FOXP2: variants seen among roughly 807,000 people sequenced by gnomAD.
FOXP2 encodes the protein forkhead box protein P2.
In FOXP2, 12 loss-of-function variants were observed where a neutral mutation model predicts 115.8. The observed-to-expected ratio is 0.10, with a 90% CI of 0.07 to 0.17. FOXP2 has a LOEUF of 0.17. Ranked by LOEUF, FOXP2 falls within the 10% of genes least tolerant of loss-of-function variation. The pLI, the probability that FOXP2 is intolerant of heterozygous loss-of-function variation, is 1.00. For missense variants in FOXP2, 629 were observed against 843.5 expected, an observed-to-expected ratio of 0.75 and a Z score of 3.15; for synonymous variants, 328 against 297.7, an observed-to-expected ratio of 1.10 and a Z score of -1.05.
At chr7:114,337,098 A>G (rs1450993061) in intron 2 of FOXP2, among the ~76,000 whole-genome samples, 1 of 151,500 alleles carries the variant, frequency 6.6e-6, no homozygotes, top group African/African-American at 2.4e-5. Flanking sequence ...TTATTCTATA[A>G]TATTTCAGTA....
At chr7:114,372,576 A>G (rs1562891427) in intron 2 of FOXP2, among the ~76,000 whole-genome samples, 3 of 152,198 alleles carry the variant, frequency 2.0e-5, no homozygotes, top group Non-Finnish European at 4.4e-5. Context: ...TTGTACATCA[A>G]TTTCCCCAAA....
At position 114,196,685 on chromosome 7, in the gene FOXP2, A is replaced by G. The variant is rs576372821; in HGVS notation, c.-102+33597A>G. Among the ~76,000 whole-genome samples, 692 of 152,238 alleles carry G rather than the reference A, an allele frequency of 4.5e-3. 5 individuals are homozygous for G. Among genetic ancestry groups the G allele is most frequent in the African/African-American group, 0.015 (626 of 41,542 alleles). ...ACTGTCAGAAATGCAAATTTTGGGG[A>G]GTCACCCCAACACATTGAATCAGAC... On this transcript the variant is annotated intron_variant, in intron 1 of 17. Coordinates refer to the FOXP2 transcript ENST00000634411.
chr7:114,655,672 C>A (rs545777534), intron 10 of FOXP2, among the ~76,000 whole-genome samples: 1 of 152,228 alleles, frequency 6.6e-6, no homozygotes, highest in East Asian at 1.9e-4. Flanking sequence ...TTTATGGTCT[C>A]ATGTGCAGTG....
chr7:114,653,619 G>A (rs949296663), intron 9 of FOXP2, among the ~76,000 whole-genome samples: 6 of 152,128 alleles, frequency 3.9e-5, no homozygotes, highest in African/African-American at 7.2e-5. Context: ...GAGACACCAT[G>A]GGCCTTCTAA....
intron 1 of FOXP2, among the ~76,000 whole-genome samples, chr7:114,163,841 G>T (rs899885768): frequency 6.6e-6 from 1 of 152,128 alleles, no homozygotes; most frequent in South Asian, 2.1e-4. Context: ...TGATATAATG[G>T]TTGTGATATA....
chr7:114,551,892 G>A (rs1208831960), intron 3 of FOXP2, among the ~76,000 whole-genome samples: 1 of 152,072 alleles, frequency 6.6e-6, no homozygotes, highest in Non-Finnish European at 1.5e-5. Context: ...CTAAGAGTAC[G>A]TTTTATGACA....
intron 2 of FOXP2, among the ~76,000 whole-genome samples, chr7:114,332,359 A>T (rs1418613057): frequency 6.6e-6 from 1 of 152,124 alleles, no homozygotes; most frequent in Non-Finnish European, 1.5e-5. Flanking sequence ...TAATTGTGTA[A>T]CAAACCGTGG....
At chr7:114,157,788 A>T (rs1462277429) in intron 1 of FOXP2, among the ~76,000 whole-genome samples, 2 of 152,108 alleles carry the variant, frequency 1.3e-5, no homozygotes, top group Non-Finnish European at 2.9e-5. Context: ...TATGTCTGGC[A>T]TATTCTGTAA....
At chr7:114,421,809 C>CT (rs1793634157) in intron 1 of FOXP2, among the ~76,000 whole-genome samples, 1 of 151,668 alleles carries the variant, frequency 6.6e-6, no homozygotes, top group Admixed American at 6.6e-5. Context: ...GCATTAAAGA[C>CT]TTTTAGCAAA....
At chr7:114,090,203 T>G (rs1159538429) in intron 1 of FOXP2, among the ~76,000 whole-genome samples, 3 of 151,968 alleles carry the variant, frequency 2.0e-5, no homozygotes, top group African/African-American at 7.2e-5. Context: ...AGAATGAGAT[T>G]GAGCACACAG....
intron 1 of FOXP2, among the ~76,000 whole-genome samples, chr7:114,110,031 A>G (rs977562143): frequency 2.6e-5 from 4 of 152,174 alleles, no homozygotes; most frequent in African/African-American, 4.8e-5. Context: ...GTGCATAAGT[A>G]AAGTTCCACA....
intron 2 of FOXP2, among the ~76,000 whole-genome samples, chr7:114,461,257 G>A (rs977384198): frequency 2.0e-5 from 3 of 152,038 alleles, no homozygotes; most frequent in African/African-American, 4.8e-5. Context: ...TGGCTTCTCT[G>A]TTTCATTGTA....
intron 1 of FOXP2, among the ~76,000 whole-genome samples, chr7:114,186,723 G>A (rs890150385): frequency 6.6e-6 from 1 of 152,206 alleles, no homozygotes; most frequent in African/African-American, 2.4e-5. Context: ...GGCTCTCTGA[G>A]GCATCTTTTA....
chr7:114,579,787 AG>A (rs1801753444), intron 3 of FOXP2, among the ~76,000 whole-genome samples: 1 of 152,186 alleles, frequency 6.6e-6, no homozygotes, highest in South Asian at 2.1e-4. Context: ...ATATTCACTG[AG>A]CATATACTAT....
chr7:114,130,149 A>G (rs557353283), intron 1 of FOXP2, among the ~76,000 whole-genome samples: 1 of 152,102 alleles, frequency 6.6e-6, no homozygotes, highest in African/African-American at 2.4e-5. Context: ...CCCCATCTCT[A>G]CCAAAAAATA....
rs188102937 is a variant in FOXP2, at chr7:114,282,232, A to G, written c.-101-5787A>G. Among the ~76,000 whole-genome samples the G allele has an allele frequency of 4.3e-4, 65 of 152,310 alleles. No individual in the cohort carries two copies. The East Asian group carries it at 0.012, about 27-fold the overall frequency. On this transcript the variant is annotated intron_variant, in intron 1 of 17. Transcript: ENST00000634411. Reference sequence around the variant, plus strand: ...TAGCTTTGCATCATATGCAGTCTTCACTACAGTGGAGTTCTAGTATTAACT... The same window carrying G: ...TAGCTTTGCATCATATGCAGTCTTCGCTACAGTGGAGTTCTAGTATTAACT...
At chr7:114,112,296 C>CT (rs956556447) in intron 1 of FOXP2, among the ~76,000 whole-genome samples, 122 of 151,376 alleles carry the variant, frequency 8.1e-4, no homozygotes, top group African/African-American at 2.8e-3. Flanking sequence ...GGTTTCTGCA[C>CT]TTTTTTTTTC....
upstream of FOXP2, among the ~76,000 whole-genome samples, chr7:114,162,434 C>A (rs572159177): frequency 3.4e-4 from 51 of 152,066 alleles, 3 homozygotes; most frequent in South Asian, 0.011. Flanking sequence ...GTCTTACAGG[C>A]CCTGTACTGT....
chr7:114,199,544 C>A (rs1472350043), intron 1 of FOXP2, among the ~76,000 whole-genome samples: 1 of 152,106 alleles, frequency 6.6e-6, no homozygotes, highest in Non-Finnish European at 1.5e-5. Flanking sequence ...GTAGAGCACA[C>A]TGGTTCATAG....
Sources: allele counts gnomAD v4.1 joint callset (sites outside exome capture counted in the v4.1 genomes callset), GRCh38; gene constraint gnomAD v4.1.1; transcripts MANE v1.5; gene names NCBI Gene and HGNC (gene_info 2026-07-23, HGNC 2026-07-21).